SEMA6D: variants seen among roughly 807,000 people sequenced by gnomAD.
SEMA6D encodes semaphorin-6D.
SEMA6D carries 35 observed loss-of-function variants against 106.6 expected under a neutral mutation model. The observed-to-expected ratio is 0.33, with a 90% CI of 0.25 to 0.44. The LOEUF is 0.44. SEMA6D is among the 20% of genes least tolerant of loss of function. SEMA6D has a pLI of 1.00. For missense variants in SEMA6D, 1,185 were observed against 1,345.9 expected (o/e 0.88, Z 1.87); for synonymous variants, 499 against 487.7 (o/e 1.02, Z -0.31).
rs143450974 is a variant in SEMA6D, at chr15:47,325,461, C to T, written c.-238-86932C>T. Among the ~76,000 whole-genome samples, 1,143 of 151,256 alleles carry T rather than the reference C, an allele frequency of 7.6e-3. 23 individuals carry two copies. Among genetic ancestry groups the T allele is most frequent in the African/African-American group, 0.026 (1,086 of 41,226 alleles). On this transcript the variant is annotated intron_variant, in intron 1 of 19. Coordinates refer to the SEMA6D transcript ENST00000558014. Reference sequence around the variant, plus strand: ...TGGTGGGATTACAGGCGTGAGCCACCGCGCCCGGCAGGGTGAAGCGTTTTA... The same window carrying T: ...TGGTGGGATTACAGGCGTGAGCCACTGCGCCCGGCAGGGTGAAGCGTTTTA...
chr15:47,186,419 A>G (rs1235991194), intron 1 of SEMA6D, among the ~76,000 whole-genome samples: 1 of 152,098 alleles, frequency 6.6e-6, no homozygotes, highest in Non-Finnish European at 1.5e-5. Context: ...TCCAGACCAT[A>G]CTCACGGTTC....
intron 2 of SEMA6D, among the ~76,000 whole-genome samples, chr15:47,443,468 A>G (rs1304683689): frequency 6.6e-6 from 1 of 152,080 alleles, no homozygotes; most frequent in Non-Finnish European, 1.5e-5. Context: ...CAAGACTACA[A>G]CAACACAGAG....
At chr15:47,337,747 G>A (rs549685888) in intron 1 of SEMA6D, among the ~76,000 whole-genome samples, 7 of 152,272 alleles carry the variant, frequency 4.6e-5, no homozygotes, top group South Asian at 2.1e-4. Flanking sequence ...CACACTCAGC[G>A]TGGGGAGGAC....
chr15:47,654,643 AT>A (rs1351562235), intron 4 of SEMA6D, among the ~76,000 whole-genome samples: 4 of 152,300 alleles, frequency 2.6e-5, no homozygotes, highest in African/African-American at 9.6e-5. Context: ...GGGCCATCTC[AT>A]TGGTGATAAG....
At position 47,380,113 on chromosome 15, in the gene SEMA6D, T is replaced by TA. The variant is rs1378037541; in HGVS notation, c.-238-32279dup. Among the ~76,000 whole-genome samples, 3 of 152,198 alleles carry TA rather than the reference T, an allele frequency of 2.0e-5. No homozygotes were observed. The East Asian group carries it at 5.8e-4, about 29-fold the overall frequency. ...CATTTAGAAATATAGAAGAAGCTCT[T>TA]ACATCTGCCATAGTTTGATTGGGTA... On this transcript the variant is annotated intron_variant, in intron 1 of 19. Coordinates refer to the SEMA6D transcript ENST00000558014.
At chr15:47,400,935 G>A (rs953327491) in intron 1 of SEMA6D, among the ~76,000 whole-genome samples, 4 of 152,152 alleles carry the variant, frequency 2.6e-5, no homozygotes, top group Non-Finnish European at 5.9e-5. Context: ...GAGAATTAAC[G>A]GTATAGATTC....
chr15:47,478,905 G>C (rs924740502), intron 3 of SEMA6D, among the ~76,000 whole-genome samples: 1 of 152,128 alleles, frequency 6.6e-6, no homozygotes, highest in African/African-American at 2.4e-5. Flanking sequence ...AGGCAAGAGA[G>C]AGTGTGCAGA....
intron 4 of SEMA6D, among the ~76,000 whole-genome samples, chr15:47,665,122 T>C (rs1317906021): frequency 6.6e-6 from 1 of 152,212 alleles, no homozygotes; most frequent in Admixed American, 6.5e-5. Context: ...AGCATGTACC[T>C]GTTGAGTTGG....
At chr15:47,607,755 C>G (rs1454774662) in intron 4 of SEMA6D, among the ~76,000 whole-genome samples, 2 of 152,178 alleles carry the variant, frequency 1.3e-5, no homozygotes, top group Admixed American at 6.5e-5. Flanking sequence ...TTACATTGTA[C>G]TCTGTGACAT....
chr15:47,198,451 CA>C (rs1894504836), intron 1 of SEMA6D, among the ~76,000 whole-genome samples: 1 of 151,876 alleles, frequency 6.6e-6, no homozygotes, highest in Admixed American at 6.6e-5. Flanking sequence ...TTTTATCTGT[CA>C]ATTAAAAAAA....
intron 3 of SEMA6D, among the ~76,000 whole-genome samples, chr15:47,475,614 G>T (rs1246828975): frequency 1.3e-5 from 2 of 152,156 alleles, no homozygotes; most frequent in Admixed American, 1.3e-4. Context: ...TAAGGACAGA[G>T]TTGCATGGCG....
chr15:47,246,103 C>G lies in SEMA6D; in HGVS notation c.-239+61685C>G, dbSNP rs530603445. Reference sequence around the variant, plus strand: ...AATGCTTTAAAGAAACAAGGCTGCCCTAGTCTGGGTCCTAGCAGGGAACAA... The same window carrying G: ...AATGCTTTAAAGAAACAAGGCTGCCGTAGTCTGGGTCCTAGCAGGGAACAA... On this transcript the variant is annotated intron_variant, in intron 1 of 19. Transcript: ENST00000558014. Among the ~76,000 whole-genome samples, 91 of 152,172 alleles carry G rather than the reference C, an allele frequency of 6.0e-4. 1 individual carries two copies. The highest frequency in any genetic ancestry group is 2.1e-3 in the African/African-American group (88 of 41,524).
intron 3 of SEMA6D, among the ~76,000 whole-genome samples, chr15:47,552,868 T>TA (rs796427971): frequency 3.5e-5 from 2 of 57,202 alleles, no homozygotes; most frequent in South Asian, 4.7e-4. Flanking sequence ...ATATATATTT[T>TA]TATATATATA....
At chr15:47,518,282 C>A (rs1353957558) in intron 3 of SEMA6D, among the ~76,000 whole-genome samples, 1 of 152,164 alleles carries the variant, frequency 6.6e-6, no homozygotes, top group Non-Finnish European at 1.5e-5. Context: ...GCTAGAGAAA[C>A]ACTGGAAGAA....
intron 1 of SEMA6D, among the ~76,000 whole-genome samples, chr15:47,729,958 G>A (rs2146631963): frequency 6.6e-6 from 1 of 152,310 alleles, no homozygotes; most frequent in East Asian, 1.9e-4. Context: ...TTCTCCTTAG[G>A]ACAAAGAGAG....
intron 1 of SEMA6D, among the ~76,000 whole-genome samples, chr15:47,727,810 A>G (rs1452899703): frequency 2.0e-5 from 3 of 152,244 alleles, no homozygotes; most frequent in Non-Finnish European, 4.4e-5. Flanking sequence ...ATTTAATGAT[A>G]AACTGAGATA....
chr15:47,402,904 C>T (rs74349679), intron 1 of SEMA6D, among the ~76,000 whole-genome samples: 2,171 of 152,262 alleles, frequency 0.014, 35 homozygotes, highest in South Asian at 0.055. Context: ...AGAGGCAAAG[C>T]CTCCATCATA....
chr15:47,634,127 T>A (rs2077339621), intron 4 of SEMA6D, among the ~76,000 whole-genome samples: 1 of 152,150 alleles, frequency 6.6e-6, no homozygotes, highest in South Asian at 2.1e-4. Context: ...GAGTGTGGTA[T>A]CTTTTGAGTG....
intron 2 of SEMA6D, among the ~76,000 whole-genome samples, chr15:47,447,667 A>C (rs1030705556): frequency 2.5e-4 from 38 of 152,158 alleles, no homozygotes; most frequent in Admixed American, 1.5e-3. Flanking sequence ...TAAATGTAAG[A>C]GTTTCCCTGA....
Sources: allele counts gnomAD v4.1 joint callset (sites outside exome capture counted in the v4.1 genomes callset), GRCh38; gene constraint gnomAD v4.1.1; transcripts MANE v1.5; gene names NCBI Gene and HGNC (gene_info 2026-07-23, HGNC 2026-07-21).